Variants in RGPD4 observed in about 807,000 individuals in gnomAD.
RGPD4 encodes the protein RANBP2 like and GRIP domain containing 4, also known as ranBP2-like and GRIP domain-containing protein 4.
Under a neutral mutation model 141.1 loss-of-function variants are expected in RGPD4, and 84 were observed. The ratio of observed to expected loss-of-function variants is 0.60; its 90% CI spans 0.50 to 0.71. The LOEUF (loss-of-function observed/expected upper bound fraction) is 0.71. Among genes scored for constraint, RGPD4 ranks in the 30% least tolerant of loss-of-function variants. The pLI, the probability that RGPD4 is intolerant of heterozygous loss-of-function variation, is 0.00. For synonymous variants in RGPD4, 298 were observed against 566.8 expected (o/e 0.53, Z 6.74); for missense variants, 918 against 1,622.4 (o/e 0.57, Z 7.46).
intron 7 of RGPD4, among the ~76,000 whole-genome samples, chr2:107,849,273 C>T (rs1266492132): frequency 9.6e-6 from 1 of 104,058 alleles, no homozygotes; most frequent in Non-Finnish European, 1.9e-5. Context: ...CCAGGATGGT[C>T]GCAATCTCTT....
intron 1 of RGPD4, among the ~76,000 whole-genome samples, chr2:107,834,011 C>A (rs1220450446): frequency 0.039 from 666 of 17,030 alleles, 17 homozygotes; most frequent in African/African-American, 0.13. Context: ...ATCTCAAAAA[C>A]AAAAAAAGGA....
chr2:107,857,965 G>A (rs1682385346), intron 9 of RGPD4, among the ~76,000 whole-genome samples: 1 of 152,048 alleles, frequency 6.6e-6, no homozygotes, highest in Non-Finnish European at 1.5e-5. Flanking sequence ...CTACAGCCTG[G>A]GCGACAGAGC....
At chr2:107,867,241 A>G (rs1212351754) in intron 18 of RGPD4, among the ~76,000 whole-genome samples, 5 of 151,614 alleles carry the variant, frequency 3.3e-5, no homozygotes, top group Non-Finnish European at 7.4e-5. Context: ...TGTACGACAG[A>G]CTTCTGAAAT....
chr2:107,874,662 A>G (rs1683038249), intron 20 of RGPD4, among the ~76,000 whole-genome samples: 2 of 150,980 alleles, frequency 1.3e-5, no homozygotes, highest in Non-Finnish European at 2.9e-5. Context: ...CCCTGACCTA[A>G]GAACGAATGT....
intron 22 of RGPD4, among the ~76,000 whole-genome samples, chr2:107,888,459 C>T (rs1649840374): frequency 6.6e-6 from 1 of 150,960 alleles, no homozygotes; most frequent in South Asian, 2.1e-4. Context: ...AACACATAAC[C>T]AGTGCCAAGT....
chr2:107,854,560 C>T lies in RGPD4; in HGVS notation c.983C>T (p.Pro328Leu). The change falls in exon 8 of 23, where the codon CCA becomes CTA. Residue 328 changes from proline to leucine, a missense_variant. By Grantham distance (98) the Pro-to-Leu change is moderately conservative (BLOSUM62 -3). Transcript: ENST00000408999. ...TTTTGATTCTAAAATTATTAGGTTC[C>T]AAGACCAAAGATTAAATTAATAAAA... ...ALCYLIAFQV[P>L]RPKIKLIKGE... The T allele has an allele frequency of 6.8e-7, 1 of 1,478,104 alleles. No homozygotes were observed. Among genetic ancestry groups the T allele is most frequent in the Admixed American group, 2.3e-5 (1 of 43,938 alleles). The allele number at this position is 1,478,104 out of a possible 1,614,324, so 91.6% of individuals were successfully genotyped here. A position where few individuals can be genotyped will look rare whatever the true frequency, so the allele number is the denominator to read the frequency against.
chr2:107,880,398 GGACTACA>G (rs1386206293), intron 21 of RGPD4, among the ~76,000 whole-genome samples: 1 of 148,238 alleles, frequency 6.7e-6, no homozygotes, highest in Non-Finnish European at 1.5e-5. Flanking sequence ...CAAGTAGCTG[GGACTACA>G]GGTGCCCGCC....
chr2:107,827,099 G>A lies in RGPD4; in HGVS notation c.72+14G>A, dbSNP rs556804904. 5 of 1,584,644 alleles carry A rather than the reference G, an allele frequency of 3.2e-6. No individual in the cohort carries two copies. The African/African-American group carries it at 4.0e-5, about 13-fold the overall frequency. On this transcript the variant is annotated intron_variant, in intron 1 of 22. Coordinates refer to ENST00000408999, the MANE Select transcript of RGPD4 (RefSeq NM_182588.3). ...TCGCCTCGAAAGGTGAGTGGATCTC[G>A]AAGAGACCGACGGCCTCGACCTGGC...
intron 7 of RGPD4, among the ~76,000 whole-genome samples, chr2:107,854,006 C>G (rs1042841637): frequency 3.4e-5 from 5 of 147,330 alleles, no homozygotes; most frequent in African/African-American, 1.3e-4. Context: ...ACCTTGGCCT[C>G]CCAAAGTGCT....
intron 18 of RGPD4, 105 bp from the exon 19 acceptor site, chr2:107,869,778 T>A: frequency 7.5e-7 from 1 of 1,337,532 alleles, no homozygotes. Flanking sequence ...AGTTAAATCT[T>A]TCTTTAATTT....
chr2:107,871,004 A>G lies in RGPD4; in HGVS notation c.3000A>G (p.Gly1000=), dbSNP rs1682887912. ...ATTTCAAGGGATTTTCAGGTGCTGG[A>G]GAAAAATTATTCTCATCACAATGCG... ...DPNFKGFSGA[G]EKLFSSQCGK... is the part of the protein sequence containing the mutation. Residue 1000 remains glycine (G), a synonymous_variant, in exon 20 of 23, where the codon GGA becomes GGG. Coordinates refer to ENST00000408999, the MANE Select transcript of RGPD4 (RefSeq NM_182588.3). 6.2e-7 allele frequency: 1 copy of G among 1,610,898 alleles called. No homozygotes were observed. Among genetic ancestry groups the G allele is most frequent in the African/African-American group, 1.3e-5 (1 of 74,168 alleles).
chr2:107,880,463 C>G (rs1267408387), intron 21 of RGPD4, among the ~76,000 whole-genome samples: 2 of 151,384 alleles, frequency 1.3e-5, no homozygotes, highest in African/African-American at 4.9e-5. Flanking sequence ...ACAGGTTTTA[C>G]CATGTTATCC....
rs1182320523 is a variant in RGPD4 at position 107,836,585 on chromosome 2, C to T, written c.73-17C>T. ...TATTTCTGTATGAAATGTAAAACAA[C>T]TTTTAATTTTTTTTAGAAGTCAACG... On this transcript the variant is annotated splice_polypyrimidine_tract_variant and intron_variant, in intron 1 of 22. Coordinates refer to ENST00000408999, the MANE Select transcript of RGPD4 (RefSeq NM_182588.3). 2 of 1,520,524 alleles carry T rather than the reference C, an allele frequency of 1.3e-6. No homozygotes were observed. Among genetic ancestry groups the T allele is most frequent in the East Asian group, 2.3e-5 (1 of 43,612 alleles). 94.2% of individuals were successfully genotyped at this position (1,520,524 alleles called of 1,614,324 possible).
chr2:107,877,027 AC>A (rs1683110048), intron 20 of RGPD4, among the ~76,000 whole-genome samples: 1 of 151,784 alleles, frequency 6.6e-6, no homozygotes. Flanking sequence ...ATTTCTCTGA[AC>A]TTCAGATTTT....
At chr2:107,844,191 G>C (rs1681834640) in intron 6 of RGPD4, among the ~76,000 whole-genome samples, 1 of 152,086 alleles carries the variant, frequency 6.6e-6, no homozygotes, top group African/African-American at 2.4e-5. Flanking sequence ...ACTCAACTAT[G>C]TGATTTACCT....
chr2:107,834,959 G>A (rs1159884792), intron 1 of RGPD4, among the ~76,000 whole-genome samples: 1 of 26,986 alleles, frequency 3.7e-5, no homozygotes, highest in East Asian at 4.6e-4. Flanking sequence ...ACCTGGTTTG[G>A]TACTATTCAT....
chr2:107,887,306 A>G (rs1675543375), intron 22 of RGPD4, among the ~76,000 whole-genome samples: 1 of 152,204 alleles, frequency 6.6e-6, no homozygotes, highest in African/African-American at 2.4e-5. Flanking sequence ...GAATATGTTG[A>G]ATCTAGTAAG....
At chr2:107,857,925 G>A (rs1218288080) in intron 9 of RGPD4, among the ~76,000 whole-genome samples, 2 of 152,098 alleles carry the variant, frequency 1.3e-5, no homozygotes, top group African/African-American at 4.8e-5. Context: ...GGAGGTGGAG[G>A]TTGCAGTGAG....
chr2:107,871,848 C>A lies in RGPD4; in HGVS notation c.3844C>A (p.Leu1282Ile). The part of the protein sequence containing the change: ...PLASSPVRKN[L>I]FHFGESTTGS... ...GGCAAGTAGCCCTGTGAGAAAAAATCTTTTCCATTTTGGTGAGTCAACAAC... is the reference window on the plus strand; with the variant it reads ...GGCAAGTAGCCCTGTGAGAAAAAATATTTTCCATTTTGGTGAGTCAACAAC... Residue 1282 changes from leucine (L) to isoleucine (I), a missense_variant, in exon 20 of 23, where the codon CTT (leucine) becomes ATT (isoleucine). Leu to Ile is a conservative substitution (Grantham distance 5). Transcript: ENST00000408999. The A allele has an allele frequency of 2.5e-6, 4 of 1,611,602 alleles. No homozygotes were observed. The highest frequency in any genetic ancestry group is 2.5e-6 in the Non-Finnish European group (3 of 1,179,858).
Sources: allele counts gnomAD v4.1 joint callset (sites outside exome capture counted in the v4.1 genomes callset), GRCh38; gene constraint gnomAD v4.1.1; transcripts MANE v1.5; gene names NCBI Gene and HGNC (gene_info 2026-07-23, HGNC 2026-07-21).